Variants in RTF2 observed in about 807,000 individuals in gnomAD.
RTF2 encodes UPF0549 protein C20orf43.
Under a neutral mutation model 38.0 loss-of-function variants are expected in RTF2, and 18 were observed. That is an observed-to-expected ratio of 0.47 (90% confidence interval 0.33 to 0.70). The LOEUF is 0.70. RTF2 is among the 30% of genes least tolerant of loss of function. The pLI, the probability that RTF2 is intolerant of heterozygous loss-of-function variation, is 0.02. For missense variants in RTF2, 311 were observed against 379.6 expected (o/e 0.82, Z 1.50); for synonymous variants, 126 against 137.1 (o/e 0.92, Z 0.57).
At chr20:56,480,371 C>T (rs1176981656) in intron 4 of RTF2, among the ~76,000 whole-genome samples, 1 of 152,212 alleles carries the variant, frequency 6.6e-6, no homozygotes, top group African/African-American at 2.4e-5. Flanking sequence ...AGAGTTAGGG[C>T]CTTGCTCTGG....
intron 4 of RTF2, among the ~76,000 whole-genome samples, chr20:56,482,566 A>G (rs35955269): frequency 4.6e-5 from 7 of 152,278 alleles, no homozygotes; most frequent in Non-Finnish European, 1.0e-4. Flanking sequence ...AGAAAAATGG[A>G]AATAAACTGT....
At chr20:56,496,619 T>C (rs2146345713) in intron 5 of RTF2, 2 of 1,471,660 alleles carry the variant, frequency 1.4e-6, no homozygotes, top group Middle Eastern at 1.8e-4. Flanking sequence ...CAGGCATCCA[T>C]ATCGGTGGGT....
chr20:56,498,414 T>G (rs1169666007), intron 5 of RTF2, among the ~76,000 whole-genome samples: 1 of 151,950 alleles, frequency 6.6e-6, no homozygotes, highest in African/African-American at 2.4e-5. Flanking sequence ...TATAAAAAAC[T>G]TAAAAATTAG....
intron 5 of RTF2, chr20:56,491,888 G>C (rs577035833): frequency 8.2e-5 from 63 of 764,834 alleles, no homozygotes; most frequent in African/African-American, 8.2e-4. Flanking sequence ...GTGAGCCTCA[G>C]CTTCACCAGA....
intron 5 of RTF2, chr20:56,491,531 G>T: frequency 7.4e-7 from 1 of 1,356,196 alleles, no homozygotes; most frequent in Non-Finnish European, 1.0e-6. Flanking sequence ...GAAACAGAAT[G>T]ATACCAGTAA....
Position 56,514,795 on chromosome 20 carries a change from C to T in RTF2, c.591+1367C>T, listed in dbSNP as rs180953286. On this transcript the variant is annotated intron_variant, in intron 6 of 8. Coordinates refer to ENST00000357348, the MANE Select transcript of RTF2 (RefSeq NM_016407.5). ...GAAAATGGCTCTGTAGTTCAAGGAA[C>T]GGTGCCCAAACTCTGAATTCAGATG... 2.6e-5 allele frequency among the ~76,000 whole-genome samples: 4 copies of T among 152,210 alleles called. No individual in the cohort carries two copies. In the East Asian group the frequency reaches 7.7e-4, roughly 29 times the overall value.
At chr20:56,509,218 G>A (rs1378126156) in intron 5 of RTF2, among the ~76,000 whole-genome samples, 1 of 152,146 alleles carries the variant, frequency 6.6e-6, no homozygotes, top group African/African-American at 2.4e-5. Flanking sequence ...TATACAGATG[G>A]TCAGTTAGCA....
At chr20:56,481,288 GTTTA>G (rs952819371) in intron 4 of RTF2, among the ~76,000 whole-genome samples, 1 of 152,226 alleles carries the variant, frequency 6.6e-6, no homozygotes, top group Non-Finnish European at 1.5e-5. Context: ...ATTGGCGTCT[GTTTA>G]TTTAACAGGT....
At chr20:56,492,463 T>C (rs189961298) in intron 5 of RTF2, among the ~76,000 whole-genome samples, 4,385 of 145,506 alleles carry the variant, frequency 0.03, 95 homozygotes, top group Non-Finnish European at 0.045. Flanking sequence ...CTCACACCTG[T>C]AATCCCAGCA....
chr20:56,491,898 A>T, intron 5 of RTF2: 2 of 697,744 alleles, frequency 2.9e-6, no homozygotes, highest in Non-Finnish European at 5.0e-6. Flanking sequence ...GCTTCACCAG[A>T]GTTCACATCA....
chr20:56,475,298 A>G (rs887124138), intron 3 of RTF2, among the ~76,000 whole-genome samples: 2 of 152,226 alleles, frequency 1.3e-5, no homozygotes, highest in Admixed American at 1.3e-4. Flanking sequence ...TTTGAGAACC[A>G]TCAGGCTAGT....
intron 5 of RTF2, chr20:56,495,347 CT>C (rs1312648114): frequency 7.4e-7 from 1 of 1,358,414 alleles, no homozygotes; most frequent in Admixed American, 2.0e-5. Flanking sequence ...CTTCCCAGTT[CT>C]TTTAGTACAA....
intron 5 of RTF2, among the ~76,000 whole-genome samples, chr20:56,492,083 A>C (rs936212615): frequency 6.6e-6 from 1 of 152,104 alleles, no homozygotes; most frequent in African/African-American, 2.4e-5. Flanking sequence ...GCTAGCGCTC[A>C]TTTGCCTGCT....
At chr20:56,510,354 G>T (rs1984565595) in intron 5 of RTF2, among the ~76,000 whole-genome samples, 1 of 152,164 alleles carries the variant, frequency 6.6e-6, no homozygotes, top group African/African-American at 2.4e-5. Context: ...ATTGTGCTGT[G>T]AGCTAAGAGA....
intron 5 of RTF2, among the ~76,000 whole-genome samples, chr20:56,500,790 CT>C (rs1229565167): frequency 6.6e-6 from 1 of 151,782 alleles, no homozygotes; most frequent in Non-Finnish European, 1.5e-5. Context: ...TCAACATAAA[CT>C]TTTTTTTGAG....
chr20:56,472,199 C>T (rs1982006352), intron 1 of RTF2: 1 of 596,530 alleles, frequency 1.7e-6, no homozygotes, highest in Non-Finnish European at 2.9e-6. Context: ...CCAGTCTGGG[C>T]AACAGAGCAA....
Position 56,516,921 on chromosome 20 carries a change from C to A in RTF2, c.592-14C>A. 1 of 1,613,138 alleles carries A rather than the reference C, an allele frequency of 6.2e-7. No homozygotes were observed. Among genetic ancestry groups the A allele is most frequent in the Non-Finnish European group, 8.5e-7 (1 of 1,179,162 alleles). On this transcript the variant is annotated splice_polypyrimidine_tract_variant and intron_variant, in intron 6 of 8. Coordinates refer to ENST00000357348, the MANE Select transcript of RTF2 (RefSeq NM_016407.5). ...ATCTGAGCACAGCCTCCAACATTCT[C>A]TATCTTTTTGTAGAAAACAAAGAAA...
intron 4 of RTF2, among the ~76,000 whole-genome samples, chr20:56,478,781 A>C (rs1982383297): frequency 6.6e-6 from 1 of 152,174 alleles, no homozygotes; most frequent in African/African-American, 2.4e-5. Flanking sequence ...CTTTCATGAA[A>C]GATTTCTCTG....
In RTF2 at chr20:56,512,090, G is replaced by A. The variant is rs576410088; in HGVS notation, c.478-1225G>A. 3.3e-5 allele frequency among the ~76,000 whole-genome samples: 5 copies of A among 152,118 alleles called. No homozygotes were observed. In the South Asian group the frequency reaches 6.2e-4, roughly 19 times the overall value. On this transcript the variant is annotated intron_variant, in intron 5 of 8. Coordinates refer to ENST00000357348, the MANE Select transcript of RTF2 (RefSeq NM_016407.5). Reference sequence around the variant, plus strand: ...AACTCCTGACCTCAAATGGTGATCCGCCCACCTCGACCTCCCAAAGTGCTG... The same window carrying A: ...AACTCCTGACCTCAAATGGTGATCCACCCACCTCGACCTCCCAAAGTGCTG...
Sources: gnomAD v4.1 joint callset for allele counts (sites outside exome capture counted in the v4.1 genomes callset) on GRCh38, gnomAD v4.1.1 for gene constraint, MANE v1.5 for transcripts, NCBI Gene and HGNC (gene_info 2026-07-23, HGNC 2026-07-21) for gene names.